KIZ: variants seen among roughly 807,000 people sequenced by gnomAD.
KIZ encodes centrosomal protein kizuna.
In KIZ, 68 loss-of-function variants were observed where a neutral mutation model predicts 79.6. The ratio of observed to expected loss-of-function variants is 0.85; its 90% CI spans 0.70 to 1.05. The LOEUF is 1.05. KIZ is among the 50% of genes least tolerant of loss of function. KIZ has a pLI of 0.00. For synonymous variants in KIZ, 280 were observed against 281.8 expected, an observed-to-expected ratio of 0.99 and a Z score of 0.06; for missense variants, 797 against 800.4, an observed-to-expected ratio of 1.00 and a Z score of 0.05.
At chr20:21,138,926 CTTTTTTTTTTTTT>C (rs35551816) in intron 3 of KIZ, 1 of 95,448 alleles carries the variant, frequency 1.0e-5, no homozygotes, top group Non-Finnish European at 2.1e-5. Context: ...CTTTCAACCT[CTTTTTTTTTTTTT>C]TTTTTTTTTT....
chr20:21,179,216 T>G (rs903104436), intron 6 of KIZ, among the ~76,000 whole-genome samples: 28 of 151,060 alleles, frequency 1.9e-4, no homozygotes, highest in Admixed American at 5.3e-4. Flanking sequence ...TTTGTTTTTT[T>G]TTTTTTTTTG....
In KIZ at chr20:21,232,711, C is replaced by T. The variant is rs1242442087; in HGVS notation, c.1784-23C>T. On this transcript the variant is annotated intron_variant, in intron 10 of 12. Coordinates refer to ENST00000619189, the MANE Select transcript of KIZ (RefSeq NM_018474.6). The stretch of plus-strand genomic sequence containing the variant: ...GGCTGCATGACAGCTAACCCTCACT[C>T]TCCATGTTTACGCTTATCACAGGTT... The T allele has an allele frequency of 3.9e-6, 5 of 1,293,128 alleles. No individual in the cohort carries two copies. The Admixed American group carries it at 7.6e-5, about 20-fold the overall frequency. 80.1% of individuals were successfully genotyped at this position (1,293,128 alleles called of 1,614,324 possible).
At chr20:21,182,819 AG>A (rs2034714688) in intron 6 of KIZ, among the ~76,000 whole-genome samples, 4 of 150,084 alleles carry the variant, frequency 2.7e-5, no homozygotes, top group Non-Finnish European at 4.4e-5. Context: ...AAAAAAAAAA[AG>A]ACCAAATAGT....
intron 3 of KIZ, among the ~76,000 whole-genome samples, chr20:21,138,165 A>G (rs574727001): frequency 6.6e-5 from 10 of 152,150 alleles, no homozygotes; most frequent in Non-Finnish European, 1.3e-4. Flanking sequence ...GGGCTCATGT[A>G]TTGTTTTCTA....
At chr20:21,136,136 A>G (rs1392262325) in intron 2 of KIZ, among the ~76,000 whole-genome samples, 1 of 152,180 alleles carries the variant, frequency 6.6e-6, no homozygotes, top group Non-Finnish European at 1.5e-5. Flanking sequence ...TACTGTGTGA[A>G]TGTTAGAATG....
chr20:21,133,469 C>G (rs1309965585), intron 2 of KIZ, among the ~76,000 whole-genome samples: 1 of 152,222 alleles, frequency 6.6e-6, no homozygotes, highest in Non-Finnish European at 1.5e-5. Flanking sequence ...TTCATGCAGT[C>G]TGTTCTTGGG....
intron 6 of KIZ, among the ~76,000 whole-genome samples, chr20:21,177,754 C>T (rs2034495299): frequency 1.3e-5 from 2 of 151,866 alleles, no homozygotes; most frequent in African/African-American, 2.4e-5. Flanking sequence ...GTTGATTTTT[C>T]TGTGTGGTAT....
chr20:21,126,276 C>T, intron 1 of KIZ, 72 bp downstream of exon 1: 1 of 1,064,674 alleles, frequency 9.4e-7, no homozygotes. Flanking sequence ...CCCCATTTTC[C>T]TTCCCGCTCC....
chr20:21,226,613 C>T lies in KIZ; in HGVS notation c.1679-2398C>T, dbSNP rs147461738. ...GCAGTGCTAGGCGCTCTGCCCTCTC[C>T]CGCAACTTTGACGTCTGTGGTCCTG... On this transcript the variant is annotated intron_variant, in intron 9 of 12. Coordinates refer to ENST00000619189, the MANE Select transcript of KIZ (RefSeq NM_018474.6). 2.9e-3 allele frequency among the ~76,000 whole-genome samples: 444 copies of T among 152,338 alleles called. 2 individuals carry two copies. Among genetic ancestry groups the T allele is most frequent in the African/African-American group, 0.011 (438 of 41,582 alleles).
intron 6 of KIZ, among the ~76,000 whole-genome samples, chr20:21,200,606 G>C: frequency 6.6e-6 from 1 of 151,916 alleles, no homozygotes; most frequent in Non-Finnish European, 1.5e-5. Flanking sequence ...GTTCACAATA[G>C]GGTTCATGCT....
At position 21,154,456 on chromosome 20, in the gene KIZ, T is replaced by C. The variant is rs149556344; in HGVS notation, c.406-7415T>C. On this transcript the variant is annotated intron_variant, in intron 4 of 12. Transcript: ENST00000619189. ...TAATAAATATTTTCAGTCATGTTCA[T>C]GTGCTTTGCTATTGCTTCCCACAAC... Among the ~76,000 whole-genome samples the C allele has an allele frequency of 4.6e-5, 7 of 152,360 alleles. No homozygotes were observed. In the East Asian group the frequency reaches 1.3e-3, roughly 29 times the overall value.
At chr20:21,242,434 G>A (rs1378687644) in intron 11 of KIZ, among the ~76,000 whole-genome samples, 1 of 152,186 alleles carries the variant, frequency 6.6e-6, no homozygotes, top group Non-Finnish European at 1.5e-5. Flanking sequence ...GGGACAAGAT[G>A]AGTGTGTGTC....
intron 12 of KIZ, chr20:21,245,070 T>G (rs1369691650): frequency 1.3e-5 from 2 of 152,268 alleles, no homozygotes; most frequent in Non-Finnish European, 2.9e-5. Flanking sequence ...CCTGCCCAGC[T>G]TGGGCTCTCT....
chr20:21,183,524 G>A (rs937788648), intron 6 of KIZ, among the ~76,000 whole-genome samples: 1 of 152,158 alleles, frequency 6.6e-6, no homozygotes, highest in African/African-American at 2.4e-5. Flanking sequence ...CGGCTTTCAC[G>A]GATGGCCTTG....
At chr20:21,227,213 C>A (rs975424127) in intron 9 of KIZ, among the ~76,000 whole-genome samples, 13 of 152,248 alleles carry the variant, frequency 8.5e-5, no homozygotes, top group African/African-American at 3.1e-4. Flanking sequence ...GGACTACTAG[C>A]TTGATATTTC....
At chr20:21,167,510 AT>A (rs1941970087) in intron 6 of KIZ, among the ~76,000 whole-genome samples, 1 of 150,744 alleles carries the variant, frequency 6.6e-6, no homozygotes. Flanking sequence ...GGCTATCTAC[AT>A]TAACCAACAA....
At chr20:21,188,898 C>T (rs1290927604) in intron 6 of KIZ, among the ~76,000 whole-genome samples, 9 of 151,752 alleles carry the variant, frequency 5.9e-5, no homozygotes, top group South Asian at 4.2e-4. Flanking sequence ...TTGGTAGAGA[C>T]GGGGTTTCAC....
chr20:21,149,853 G>A (rs996748370), intron 4 of KIZ, among the ~76,000 whole-genome samples: 7 of 152,220 alleles, frequency 4.6e-5, no homozygotes, highest in Non-Finnish European at 8.8e-5. Context: ...TACTGAAAGA[G>A]CAAGTGACTT....
At chr20:21,184,442 G>A (rs573770822) in intron 6 of KIZ, among the ~76,000 whole-genome samples, 4 of 152,264 alleles carry the variant, frequency 2.6e-5, no homozygotes, top group Admixed American at 1.3e-4. Context: ...GAGCCACCAC[G>A]CCCGGTCCCC....
Sources: allele counts gnomAD v4.1 joint callset (sites outside exome capture counted in the v4.1 genomes callset), GRCh38; gene constraint gnomAD v4.1.1; transcripts MANE v1.5; gene names NCBI Gene and HGNC (gene_info 2026-07-23, HGNC 2026-07-21).